The following BMF variants were observed in gnomAD, a reference collection of about 807,000 sequenced individuals.
The protein encoded by BMF is Bcl2 modifying factor, also known as bcl-2-modifying factor.
BMF carries 10 observed loss-of-function variants against 22.0 expected under a neutral mutation model. That is an observed-to-expected ratio of 0.45 (90% confidence interval 0.28 to 0.77). The LOEUF (loss-of-function observed/expected upper bound fraction) is 0.77, where lower values mean the gene tolerates loss of function less well. BMF is among the 30% of genes least tolerant of loss of function. BMF has a pLI of 0.13. For synonymous variants in BMF, 87 were observed against 88.1 expected (o/e 0.99, Z 0.07); for missense variants, 206 against 226.8 (o/e 0.91, Z 0.59).
At chr15:40,093,350 G>A (rs1280878273) in intron 4 of BMF, among the ~76,000 whole-genome samples, 3 of 152,250 alleles carry the variant, frequency 2.0e-5, no homozygotes, top group African/African-American at 4.8e-5. Flanking sequence ...GCAAGCTGGA[G>A]GCGCAGCTCC....
chr15:40,098,891 C>T (rs1208345074), intron 4 of BMF, among the ~76,000 whole-genome samples: 1 of 152,180 alleles, frequency 6.6e-6, no homozygotes, highest in Admixed American at 6.5e-5. Flanking sequence ...GGAACTCAGC[C>T]TCTAGTCTGC....
intron 4 of BMF, among the ~76,000 whole-genome samples, chr15:40,103,133 C>G (rs2036513314): frequency 6.6e-6 from 1 of 152,262 alleles, no homozygotes; most frequent in Non-Finnish European, 1.5e-5. Flanking sequence ...CTCCGACCAC[C>G]TGAAGCTACC....
intron 4 of BMF, 44 bp from the exon 5 acceptor site, chr15:40,091,932 C>G (rs992092862): frequency 1.8e-5 from 25 of 1,372,040 alleles, no homozygotes; most frequent in Non-Finnish European, 2.5e-5. Flanking sequence ...CTCCCAAACG[C>G]AATCTTAGAC....
At chr15:40,098,468 G>C (rs189312500) in intron 4 of BMF, among the ~76,000 whole-genome samples, 45 of 152,266 alleles carry the variant, frequency 3.0e-4, no homozygotes, top group African/African-American at 1.1e-3. Context: ...AGAGGGAGGG[G>C]GTTCGGGGGA....
chr15:40,105,686 C>G, intron 3 of BMF, 109 bp downstream of exon 3: 1 of 1,316,944 alleles, frequency 7.6e-7, no homozygotes, highest in Non-Finnish European at 1.0e-6. Flanking sequence ...TCAACAGCCC[C>G]GCTGATCACT....
At chr15:40,098,417 C>A (rs1168413817) in intron 4 of BMF, among the ~76,000 whole-genome samples, 2 of 150,454 alleles carry the variant, frequency 1.3e-5, no homozygotes, top group Non-Finnish European at 3.0e-5. Context: ...TTCTTCAGAG[C>A]TCAGAAGGGC....
intron 4 of BMF, among the ~76,000 whole-genome samples, chr15:40,099,591 C>T (rs1054614974): frequency 1.6e-4 from 24 of 152,036 alleles, no homozygotes; most frequent in Middle Eastern, 3.4e-3. Context: ...CAAGCCTGAC[C>T]GACATGGAGA....
At chr15:40,104,635 G>A (rs535082248) in intron 3 of BMF, among the ~76,000 whole-genome samples, 10 of 152,318 alleles carry the variant, frequency 6.6e-5, no homozygotes, top group East Asian at 1.9e-4. Flanking sequence ...CCAGCCTTCC[G>A]TCCTTATTTA....
intron 4 of BMF, among the ~76,000 whole-genome samples, chr15:40,103,522 C>T (rs764637771): frequency 1.3e-5 from 2 of 152,254 alleles, no homozygotes; most frequent in Non-Finnish European, 2.9e-5. Context: ...GCCACATGCT[C>T]GGCTGACACG....
intron 4 of BMF, among the ~76,000 whole-genome samples, chr15:40,097,755 G>A (rs1044932333): frequency 2.6e-5 from 4 of 152,200 alleles, no homozygotes; most frequent in Non-Finnish European, 2.9e-5. Context: ...TCCTTCCCTG[G>A]GGAGCACAAG....
chr15:40,105,735 G>T (rs539846), intron 3 of BMF, 60 bp downstream of exon 3: 770,081 of 1,514,030 alleles, frequency 0.51, 201,709 homozygotes, highest in East Asian at 0.8. Context: ...TTTGGGGAGG[G>T]AAAGTCCCCT....
chr15:40,088,343 T>G lies in BMF; in HGVS notation c.*3444A>C, dbSNP rs998227665. 2 of 152,458 alleles carry G rather than the reference T, an allele frequency of 1.3e-5. No homozygotes were observed. Among genetic ancestry groups the G allele is most frequent in the African/African-American group, 4.8e-5 (2 of 41,590 alleles). The allele number at this position is 152,458 out of a possible 1,614,324, so 9.4% of individuals were successfully genotyped here. ...TGCCTAAGGGTGACAGGTGAGCCCCTTCCTGCTAGGGTGTCTGGCCAGGAT... is the reference window on the plus strand; with the variant it reads ...TGCCTAAGGGTGACAGGTGAGCCCCGTCCTGCTAGGGTGTCTGGCCAGGAT... On this transcript the variant is annotated 3_prime_UTR_variant, in exon 5 of 5. Transcript: ENST00000354670.
chr15:40,094,110 G>A (rs958933101), intron 4 of BMF, among the ~76,000 whole-genome samples: 15 of 152,140 alleles, frequency 9.9e-5, no homozygotes, highest in African/African-American at 3.1e-4. Flanking sequence ...TCTCAAAACA[G>A]CTCAATGGCC....
At chr15:40,092,698 A>T (rs1450369871) in intron 4 of BMF, among the ~76,000 whole-genome samples, 1 of 152,192 alleles carries the variant, frequency 6.6e-6, no homozygotes, top group African/African-American at 2.4e-5. Flanking sequence ...TCAGGCTGGG[A>T]AGCTAGGGGC....
intron 4 of BMF, among the ~76,000 whole-genome samples, chr15:40,097,500 C>A (rs58868845): frequency 0.011 from 1,703 of 152,270 alleles, 39 homozygotes; most frequent in African/African-American, 0.039. Context: ...CCCTTGTTTT[C>A]CGGAATGTGA....
In BMF at chr15:40,108,250, A is replaced by ACACACACCCC. The variant is rs58924044; in HGVS notation, c.-6+8_-6+9insGGGGTGTGTG. 1 of 151,362 alleles carries ACACACACCCC rather than the reference A, an allele frequency of 6.6e-6. No individual in the cohort carries two copies. Among genetic ancestry groups the ACACACACCCC allele is most frequent in the Non-Finnish European group, 1.5e-5 (1 of 68,798 alleles). 9.4% of individuals were successfully genotyped at this position (151,362 alleles called of 1,614,324 possible). On this transcript the variant is annotated intron_variant, in intron 2 of 4. Transcript: ENST00000354670. ...CACACACACACACACACACACACAC[A>ACACACACCCC]CCCCAGACCTGGGTGACTCCAGGAG...
chr15:40,097,724 G>T (rs2036395076), intron 4 of BMF, among the ~76,000 whole-genome samples: 1 of 152,196 alleles, frequency 6.6e-6, no homozygotes, highest in Non-Finnish European at 1.5e-5. Flanking sequence ...CTGGGCCTGG[G>T]GGCTGCAAGG....
intron 4 of BMF, among the ~76,000 whole-genome samples, chr15:40,092,221 G>A (rs1222370657): frequency 3.3e-5 from 5 of 152,086 alleles, no homozygotes; most frequent in African/African-American, 7.2e-5. Context: ...ATTGGCTCCC[G>A]AGCCCCTCAA....
Position 40,091,860 on chromosome 15 carries a change from C to T in BMF, c.482G>A (p.Trp161Ter). ...QHQQNQNRVWWQILLFLHNLA... is the reference protein window; with the variant it reads ...QHQQNQNRVW ...GTTGTGCAGGAAGAGGAGGATCTGC[C>T]ACCACACACGATTTTGGTTCTGCTG... is the stretch of plus-strand genomic sequence containing the variant. The change falls in exon 5 of 5, where the codon TGG becomes TAG. Residue 161 changes from tryptophan to a stop codon, truncating the protein, a stop_gained. Transcript: ENST00000354670. LOFTEE classifies it high-confidence loss of function. 1 of 1,610,390 alleles carries T rather than the reference C, an allele frequency of 6.2e-7. No individual in the cohort carries two copies. The highest frequency in any genetic ancestry group is 8.5e-7 in the Non-Finnish European group (1 of 1,178,602).
Sources: gnomAD v4.1 joint callset for allele counts (sites outside exome capture counted in the v4.1 genomes callset) on GRCh38, gnomAD v4.1.1 for gene constraint, MANE v1.5 for transcripts, NCBI Gene and HGNC (gene_info 2026-07-23, HGNC 2026-07-21) for gene names.